KCNK2: variants seen among roughly 807,000 people sequenced by gnomAD.
KCNK2 encodes the protein potassium two pore domain channel subfamily K member 2, also known as potassium channel subfamily K member 2.
In KCNK2, 21 loss-of-function variants were observed where a neutral mutation model predicts 40.5. The observed-to-expected ratio is 0.52, with a 90% CI of 0.37 to 0.75. The LOEUF is 0.75. KCNK2 is among the 30% of genes least tolerant of loss of function. KCNK2 has a pLI of 0.00. For missense variants in KCNK2, 399 were observed against 531.6 expected (o/e 0.75, Z 2.45); for synonymous variants, 191 against 202.2 (o/e 0.94, Z 0.47).
chr1:215,211,263 C>T (rs917217484), intron 6 of KCNK2, among the ~76,000 whole-genome samples: 1 of 152,066 alleles, frequency 6.6e-6, no homozygotes, highest in African/African-American at 2.4e-5. Context: ...TTGTGATTCC[C>T]CCAGCACACC....
chr1:215,119,473 A>G (rs932768427), intron 2 of KCNK2, among the ~76,000 whole-genome samples: 2 of 152,024 alleles, frequency 1.3e-5, no homozygotes, highest in Non-Finnish European at 2.9e-5. Context: ...CTAGAGCTCT[A>G]TTTCTTAAGT....
At chr1:215,180,164 T>C (rs573682494) in intron 5 of KCNK2, among the ~76,000 whole-genome samples, 4 of 152,252 alleles carry the variant, frequency 2.6e-5, no homozygotes, top group Non-Finnish European at 5.9e-5. Context: ...TTTTATCTGA[T>C]ATAAATCAGT....
At chr1:215,099,110 C>A (rs1239931773) in intron 2 of KCNK2, among the ~76,000 whole-genome samples, 1 of 151,896 alleles carries the variant, frequency 6.6e-6, no homozygotes, top group Non-Finnish European at 1.5e-5. Context: ...TATTTTATCG[C>A]TCAGGTATTA....
intron 5 of KCNK2, 141 bp downstream of exon 5, chr1:215,172,324 T>A: frequency 1.4e-6 from 1 of 692,706 alleles, no homozygotes; most frequent in Non-Finnish European, 2.4e-6. Flanking sequence ...TGGGTGGCTT[T>A]AAACAAAGCA....
At chr1:215,174,324 G>A (rs1420637616) in intron 5 of KCNK2, among the ~76,000 whole-genome samples, 7 of 152,080 alleles carry the variant, frequency 4.6e-5, no homozygotes, top group Admixed American at 1.3e-4. Flanking sequence ...TGTTTCATTG[G>A]TCTATATCTC....
chr1:215,170,035 C>T (rs1014515873), intron 4 of KCNK2, among the ~76,000 whole-genome samples: 1 of 152,114 alleles, frequency 6.6e-6, no homozygotes, highest in Non-Finnish European at 1.5e-5. Flanking sequence ...ATTTGTATAA[C>T]TTGAATAATG....
intron 2 of KCNK2, among the ~76,000 whole-genome samples, chr1:215,105,363 TA>T (rs1200900510): frequency 1.2e-4 from 19 of 152,234 alleles, no homozygotes; most frequent in African/African-American, 3.8e-4. Flanking sequence ...TTACTTAGCG[TA>T]GTATTATCAA....
At chr1:215,127,484 A>G (rs1272178391) in intron 3 of KCNK2, among the ~76,000 whole-genome samples, 1 of 152,128 alleles carries the variant, frequency 6.6e-6, no homozygotes. Context: ...CTCATATGCC[A>G]CTTCCATTCC....
chr1:215,230,669 A>G (rs549255147), intron 6 of KCNK2, among the ~76,000 whole-genome samples: 43 of 148,944 alleles, frequency 2.9e-4, no homozygotes, highest in Non-Finnish European at 8.9e-5. Flanking sequence ...TATTTTATAG[A>G]TAAGGAATCT....
intron 1 of KCNK2, among the ~76,000 whole-genome samples, chr1:215,037,002 CTTTT>C (rs3033912): frequency 7.9e-6 from 1 of 125,852 alleles, no homozygotes; most frequent in African/African-American, 3.0e-5. Context: ...CCTTTTATTC[CTTTT>C]TTTTTTTTTT....
intron 6 of KCNK2, among the ~76,000 whole-genome samples, chr1:215,220,283 T>A (rs1373133922): frequency 6.6e-6 from 1 of 152,230 alleles, no homozygotes; most frequent in Non-Finnish European, 1.5e-5. Flanking sequence ...GTGAAGCTTC[T>A]GATTCTTGTT....
chr1:215,137,223 A>T (rs919947184), intron 3 of KCNK2, among the ~76,000 whole-genome samples: 1 of 152,234 alleles, frequency 6.6e-6, no homozygotes, highest in Non-Finnish European at 1.5e-5. Flanking sequence ...TCACTTAACA[A>T]GGTCAATATC....
At chr1:215,009,410 CATAG>C (rs1440226813) in intron 1 of KCNK2, among the ~76,000 whole-genome samples, 1 of 152,072 alleles carries the variant, frequency 6.6e-6, no homozygotes, top group Non-Finnish European at 1.5e-5. Flanking sequence ...TAATATCTTG[CATAG>C]ATATAGTGCC....
Position 215,226,195 on chromosome 1 carries a change from T to C in KCNK2, c.964-8633T>C, listed in dbSNP as rs148603615. On this transcript the variant is annotated intron_variant, in intron 6 of 6. Transcript: ENST00000444842. ...GGCAGATTCTAGGCCTCTGTAATCA[T>C]GATACTTTGCTCCATTGAAAAGCTA... Among the ~76,000 whole-genome samples the C allele has an allele frequency of 1.6e-4, 24 of 152,370 alleles. No homozygotes were observed. In the East Asian group the frequency reaches 4.2e-3, roughly 27 times the overall value.
intron 6 of KCNK2, among the ~76,000 whole-genome samples, chr1:215,198,059 T>G (rs1444901639): frequency 6.6e-6 from 1 of 152,200 alleles, no homozygotes; most frequent in Non-Finnish European, 1.5e-5. Context: ...TCCCTACTTA[T>G]GAGTGATCTT....
chr1:215,010,945 AAT>A (rs1656362293), intron 1 of KCNK2, among the ~76,000 whole-genome samples: 2 of 146,328 alleles, frequency 1.4e-5, no homozygotes, highest in South Asian at 2.1e-4. Flanking sequence ...TATATTAACT[AAT>A]ATATATTATA....
Position 215,235,044 on chromosome 1 carries a change from G to T in KCNK2, c.1180G>T (p.Asp394Tyr). 6.2e-7 allele frequency: 1 copy of T among 1,614,004 alleles called. No individual in the cohort carries two copies. Among genetic ancestry groups the T allele is most frequent in the Non-Finnish European group, 8.5e-7 (1 of 1,179,938 alleles). The change falls in exon 7 of 7, where the codon GAT becomes TAT. Residue 394 changes from aspartate to tyrosine, a missense_variant. By Grantham distance (160) the Asp-to-Tyr change is radical. Transcript: ENST00000444842. ...AGTGAACCACCTGACCAGCGAGAGG[G>T]ATGTCTTGCCTCCCTTACTGAAGAC... ...LSVNHLTSER[D>Y]VLPPLLKTES...
At chr1:215,060,818 A>G (rs1424717406) in intron 1 of KCNK2, among the ~76,000 whole-genome samples, 4 of 152,200 alleles carry the variant, frequency 2.6e-5, no homozygotes, top group African/African-American at 9.6e-5. Flanking sequence ...ACATCATTAT[A>G]AAAATATGAA....
At chr1:215,214,706 C>T (rs888751482) in intron 6 of KCNK2, among the ~76,000 whole-genome samples, 2 of 151,932 alleles carry the variant, frequency 1.3e-5, no homozygotes, top group Non-Finnish European at 2.9e-5. Context: ...CATGCCTGTA[C>T]CCCCAACTAC....
Sources: allele counts gnomAD v4.1 joint callset (sites outside exome capture counted in the v4.1 genomes callset), GRCh38; gene constraint gnomAD v4.1.1; transcripts MANE v1.5; gene names NCBI Gene and HGNC (gene_info 2026-07-23, HGNC 2026-07-21).